FBXL17: variants seen among roughly 807,000 people sequenced by gnomAD.
FBXL17 encodes F-box/LRR-repeat protein 17.
FBXL17 carries 22 observed loss-of-function variants against 66.2 expected under a neutral mutation model. The observed-to-expected ratio is 0.33, with a 90% CI of 0.24 to 0.47. The LOEUF (loss-of-function observed/expected upper bound fraction) is 0.47, where lower values mean the gene tolerates loss of function less well. FBXL17 is among the 20% of genes least tolerant of loss of function. The pLI, the probability that FBXL17 is intolerant of heterozygous loss-of-function variation, is 1.00. For missense variants in FBXL17, 878 were observed against 948.2 expected (o/e 0.93, Z 0.97); for synonymous variants, 474 against 400.5 (o/e 1.18, Z -2.19).
At chr5:108,023,001 C>T (rs1412042463) in intron 6 of FBXL17, among the ~76,000 whole-genome samples, 2 of 152,000 alleles carry the variant, frequency 1.3e-5, no homozygotes, top group African/African-American at 2.4e-5. Flanking sequence ...ACTCAGGAGG[C>T]AATACAGTGG....
chr5:107,862,184 G>A (rs1561508920), intron 8 of FBXL17, among the ~76,000 whole-genome samples: 1 of 152,016 alleles, frequency 6.6e-6, no homozygotes, highest in African/African-American at 2.4e-5. Flanking sequence ...AGGTAAAGAA[G>A]CAGTAAGATA....
chr5:108,381,276 G>T lies in FBXL17; in HGVS notation c.416C>A (p.Ser139Tyr), dbSNP rs1267762764. 7.0e-7 allele frequency: 1 copy of T among 1,420,658 alleles called. No homozygotes were observed. The highest frequency in any genetic ancestry group is 9.2e-7 in the Non-Finnish European group (1 of 1,091,308). The allele number at this position is 1,420,658 out of a possible 1,614,324, so 88.0% of individuals were successfully genotyped here. ...AGCCAGCCCCAACTCTTTGCAGCAG[G>T]AGGCGGGCGACGAAGCCGAGGCGGC... ...AAAASASSPA[S>Y]CCKELGLAAA... Residue 139 changes from serine (S) to tyrosine (Y), a missense_variant, in exon 1 of 9, where the codon TCC (serine) becomes TAC (tyrosine). Physicochemically the swap from Ser to Tyr is moderately radical, Grantham distance 144. Transcript: ENST00000542267.
chr5:108,239,891 G>A (rs573961782), intron 4 of FBXL17, among the ~76,000 whole-genome samples: 11 of 152,110 alleles, frequency 7.2e-5, no homozygotes, highest in South Asian at 4.2e-4. Context: ...TAGAGCAGCA[G>A]GCAGAGTCCT....
intron 7 of FBXL17, among the ~76,000 whole-genome samples, chr5:107,911,884 G>A (rs1224452496): frequency 6.6e-6 from 1 of 151,972 alleles, no homozygotes; most frequent in Non-Finnish European, 1.5e-5. Flanking sequence ...ATAATTTACA[G>A]AAGAAATAAA....
intron 7 of FBXL17, among the ~76,000 whole-genome samples, chr5:107,916,454 C>A (rs1195412824): frequency 2.0e-4 from 31 of 152,114 alleles, no homozygotes; most frequent in Non-Finnish European, 1.5e-5. Flanking sequence ...AGCTGCATCA[C>A]CTCCTGCTTA....
intron 6 of FBXL17, among the ~76,000 whole-genome samples, chr5:108,139,644 G>A (rs547802044): frequency 5.9e-5 from 9 of 152,270 alleles, no homozygotes; most frequent in Admixed American, 3.9e-4. Context: ...TCTGGCTCAG[G>A]TTTTTATCTC....
intron 8 of FBXL17, among the ~76,000 whole-genome samples, chr5:107,870,849 G>A (rs1483405161): frequency 6.6e-6 from 1 of 151,866 alleles, no homozygotes; most frequent in Non-Finnish European, 1.5e-5. Context: ...CCTCCCCAAA[G>A]TGCTGGGTTA....
chr5:107,967,411 G>A (rs1580261237), intron 7 of FBXL17, among the ~76,000 whole-genome samples: 2 of 151,380 alleles, frequency 1.3e-5, no homozygotes, highest in Admixed American at 6.6e-5. Context: ...ACCCTTCTCC[G>A]AGAGCTGGCA....
intron 5 of FBXL17, among the ~76,000 whole-genome samples, chr5:108,193,144 T>C (rs902585737): frequency 2.6e-5 from 4 of 152,202 alleles, no homozygotes; most frequent in Admixed American, 6.5e-5. Context: ...GTAATTGTAA[T>C]GTTTAGGGAG....
chr5:108,137,227 G>C (rs577077614), intron 6 of FBXL17, among the ~76,000 whole-genome samples: 1 of 152,134 alleles, frequency 6.6e-6, no homozygotes, highest in Non-Finnish European at 1.5e-5. Context: ...GTAATCTCTT[G>C]TAAGTATACA....
chr5:107,904,491 T>C lies in FBXL17; in HGVS notation c.1823-23312A>G, dbSNP rs149859145. 3.0e-3 allele frequency among the ~76,000 whole-genome samples: 456 copies of C among 152,290 alleles called. 5 individuals carry two copies. The highest frequency in any genetic ancestry group is 0.01 in the Middle Eastern group (3 of 294). ...CCTAGCTTTCTTAGAAAGGAAACTT[T>C]CTGTTACATCATCTGATATATAACT... On this transcript the variant is annotated intron_variant, in intron 7 of 8. Coordinates refer to ENST00000542267, the MANE Select transcript of FBXL17 (RefSeq NM_001163315.3).
At position 108,009,292 on chromosome 5, in the gene FBXL17, TATATATATAC is replaced by T. The variant is rs1281624756; in HGVS notation, c.1822+11623_1822+11632del. ...ATATATATATATATATATATATATATATATATATACATATATACATACACATATAGTTTTG... is the reference window on the plus strand; with the variant it reads ...ATATATATATATATATATATATATATATATATACATACACATATAGTTTTG... On this transcript the variant is annotated intron_variant, in intron 7 of 8. Transcript: ENST00000542267. Among the ~76,000 whole-genome samples the T allele has an allele frequency of 1.3e-3, 46 of 35,942 alleles. 6 individuals carry two copies. The highest frequency in any genetic ancestry group is 1.8e-3 in the Admixed American group (6 of 3,292). The allele number at this position is 35,942 out of a possible 152,430, so 23.6% of individuals were successfully genotyped here.
At chr5:108,352,195 T>G (rs895609931) in intron 3 of FBXL17, among the ~76,000 whole-genome samples, 14 of 152,242 alleles carry the variant, frequency 9.2e-5, no homozygotes, top group Non-Finnish European at 8.8e-5. Context: ...ATATTCTGTT[T>G]TAGACATCAC....
Position 108,184,176 on chromosome 5 carries a change from T to C in FBXL17, c.1745+1941A>G, listed in dbSNP as rs960944808. On this transcript the variant is annotated intron_variant, in intron 6 of 8. Transcript: ENST00000542267. ...TGGCTCATGCCTATAATCCCAGCAC[T>C]TTGGGAGATCGAGGCGGCGGGGCGG... Among the ~76,000 whole-genome samples the C allele has an allele frequency of 1.9e-4, 29 of 152,272 alleles. 1 individual carries two copies. Among genetic ancestry groups the C allele is most frequent in the African/African-American group, 7.0e-4 (29 of 41,562 alleles).
intron 6 of FBXL17, among the ~76,000 whole-genome samples, chr5:108,130,110 G>A (rs766802399): frequency 3.5e-4 from 53 of 151,490 alleles, no homozygotes; most frequent in Admixed American, 8.5e-4. Flanking sequence ...TGTCATACAC[G>A]TTTATATAAC....
chr5:107,977,511 T>C (rs993494637), intron 7 of FBXL17, among the ~76,000 whole-genome samples: 1 of 152,242 alleles, frequency 6.6e-6, no homozygotes, highest in Non-Finnish European at 1.5e-5. Context: ...GAGGCAAGAC[T>C]GTTTTCAAGA....
intron 5 of FBXL17, among the ~76,000 whole-genome samples, chr5:108,223,490 A>G (rs1443248869): frequency 7.0e-6 from 1 of 143,152 alleles, no homozygotes; most frequent in Non-Finnish European, 1.5e-5. Flanking sequence ...GGTAAATTTT[A>G]TAGTAGCCAG....
intron 3 of FBXL17, among the ~76,000 whole-genome samples, chr5:108,350,116 A>C (rs927666990): frequency 1.3e-5 from 2 of 152,242 alleles, no homozygotes; most frequent in Admixed American, 1.3e-4. Flanking sequence ...CAAAGCCAAC[A>C]GTGGGAAAAG....
chr5:108,370,116 C>T (rs1203158706), intron 1 of FBXL17, among the ~76,000 whole-genome samples: 1 of 152,028 alleles, frequency 6.6e-6, no homozygotes, highest in Non-Finnish European at 1.5e-5. Flanking sequence ...TGGGAGGAAA[C>T]CAGAATACCC....
Sources: gnomAD v4.1 joint callset for allele counts (sites outside exome capture counted in the v4.1 genomes callset) on GRCh38, gnomAD v4.1.1 for gene constraint, MANE v1.5 for transcripts, NCBI Gene and HGNC (gene_info 2026-07-23, HGNC 2026-07-21) for gene names.